MIB1: variants seen among roughly 807,000 people sequenced by gnomAD.
MIB1 encodes MIB E3 ubiquitin protein ligase 1.
In MIB1, 278 loss-of-function variants were observed where a neutral mutation model predicts 124.5. The ratio of observed to expected loss-of-function variants is 2.23; its 90% CI spans 2.02 to 2.47. The LOEUF (loss-of-function observed/expected upper bound fraction) is 2.47. Among genes scored for constraint, MIB1 ranks in the 30% most tolerant of loss-of-function variants. MIB1 has a pLI of 0.00. For missense variants in MIB1, 957 were observed against 1,254.4 expected, an observed-to-expected ratio of 0.76 and a Z score of 3.58; for synonymous variants, 446 against 429.4, an observed-to-expected ratio of 1.04 and a Z score of -0.48.
intron 1 of MIB1, among the ~76,000 whole-genome samples, chr18:21,710,578 T>C (rs2040661203): frequency 6.6e-6 from 1 of 152,056 alleles, no homozygotes; most frequent in Non-Finnish European, 1.5e-5. Context: ...ACTGAGACCT[T>C]ATTTCTACAA....
chr18:21,738,838 A>C (rs2040808740), upstream of MIB1, among the ~76,000 whole-genome samples: 30 of 60,714 alleles, frequency 4.9e-4, no homozygotes, highest in Middle Eastern at 8.9e-3. Flanking sequence ...AAAAAAAAAA[A>C]AAAAAAAAAA....
rs185701485 is a variant in MIB1, at chr18:21,866,810, T to A, written c.*2144T>A. On this transcript the variant is annotated 3_prime_UTR_variant, in exon 21 of 21. Transcript: ENST00000261537. ...TAATTTTAGTGCTAGTACTTGTGGG[T>A]TTTCTGTATTTGTATCACCTTGAAA... 1.2e-4 allele frequency: 18 copies of A among 152,532 alleles called. No individual in the cohort carries two copies. The highest frequency in any genetic ancestry group is 8.8e-5 in the Non-Finnish European group (6 of 68,022). The allele number at this position is 152,532 out of a possible 1,614,324, so 9.4% of individuals were successfully genotyped here. A position where few individuals can be genotyped will look rare whatever the true frequency, so the allele number is the denominator to read the frequency against.
intron 2 of MIB1, 109 bp downstream of exon 2, chr18:21,766,052 A>G (rs2041154718): frequency 9.6e-7 from 1 of 1,043,748 alleles, no homozygotes; most frequent in Admixed American, 2.0e-5. Flanking sequence ...CAGTTGGTTT[A>G]CTAACAGGAG....
rs1427568447 is a variant in MIB1, at chr18:21,798,314, G to C, written c.1237+86G>C. 4 of 1,290,592 alleles carry C rather than the reference G, an allele frequency of 3.1e-6. No individual in the cohort carries two copies. In the Admixed American group the frequency reaches 7.5e-5, roughly 24 times the overall value. 79.9% of individuals were successfully genotyped at this position (1,290,592 alleles called of 1,614,324 possible). On this transcript the variant is annotated intron_variant, in intron 8 of 20. Transcript: ENST00000261537. The stretch of plus-strand genomic sequence containing the variant: ...TCCCCAGTTCTCATATACAGATAAT[G>C]TTGTACATGTGCTTGGCTTTGTCCC...
intron 14 of MIB1, 102 bp from the exon 15 acceptor site, chr18:21,843,990 C>T (rs966779945): frequency 2.4e-5 from 26 of 1,062,054 alleles, no homozygotes; most frequent in Non-Finnish European, 3.3e-5. Context: ...TTAGTGGTAA[C>T]TTCTTCAGTA....
chr18:21,785,104 G>T (rs2041419589), intron 6 of MIB1, among the ~76,000 whole-genome samples: 1 of 152,066 alleles, frequency 6.6e-6, no homozygotes, highest in Admixed American at 6.6e-5. Flanking sequence ...TTTCTGCCTC[G>T]GCTACCAAAA....
At chr18:21,738,126 G>C (rs1288518892), upstream of MIB1, among the ~76,000 whole-genome samples, 1 of 152,138 alleles carries the variant, frequency 6.6e-6, no homozygotes, top group Non-Finnish European at 1.5e-5. Flanking sequence ...ATTGTTATGT[G>C]TGAATTTGAA....
exon 1 of MIB1, chr18:21,704,971 G>C (rs993091230): frequency 4.3e-6 from 1 of 231,096 alleles, no homozygotes; most frequent in Non-Finnish European, 8.3e-6. Flanking sequence ...GGTTCTCCCA[G>C]CTAGGTCGCA....
intron 10 of MIB1, among the ~76,000 whole-genome samples, chr18:21,807,486 C>T (rs1444218631): frequency 6.6e-6 from 1 of 152,140 alleles, no homozygotes; most frequent in African/African-American, 2.4e-5. Context: ...TTTAATTTTT[C>T]TAGGATATAA....
At chr18:21,783,506 G>T (rs927617939) in intron 6 of MIB1, among the ~76,000 whole-genome samples, 1 of 152,010 alleles carries the variant, frequency 6.6e-6, no homozygotes, top group Non-Finnish European at 1.5e-5. Context: ...GCCTCCCAAA[G>T]TACTGGGATT....
chr18:21,734,489 TC>T (rs2040786714), intron 1 of MIB1, among the ~76,000 whole-genome samples: 3 of 151,438 alleles, frequency 2.0e-5, no homozygotes, highest in Admixed American at 6.6e-5. Flanking sequence ...TCTCTCTCTC[TC>T]TCTCTCTTTC....
chr18:21,793,542 G>A (rs2041532118), intron 7 of MIB1, among the ~76,000 whole-genome samples: 1 of 152,062 alleles, frequency 6.6e-6, no homozygotes, highest in Admixed American at 6.6e-5. Context: ...AGTGCTTTGG[G>A]AGGCCAAGAT....
At chr18:21,857,491 ATTG>A (rs1445293799) in intron 19 of MIB1, among the ~76,000 whole-genome samples, 5 of 152,228 alleles carry the variant, frequency 3.3e-5, no homozygotes, top group Middle Eastern at 3.2e-3. Context: ...TATAAAGAAT[ATTG>A]TTGTGTTCTT....
chr18:21,735,584 G>T (rs1365222914), intron 1 of MIB1, among the ~76,000 whole-genome samples: 4 of 152,160 alleles, frequency 2.6e-5, no homozygotes. Context: ...TGGCTCAGCG[G>T]GTCCCATCCC....
intron 11 of MIB1, among the ~76,000 whole-genome samples, chr18:21,819,154 C>T (rs1481711473): frequency 6.6e-6 from 1 of 152,174 alleles, no homozygotes; most frequent in Non-Finnish European, 1.5e-5. Flanking sequence ...TCTTCTGCCT[C>T]AGCCTCCTGA....
At position 21,835,772 on chromosome 18, in the gene MIB1, GAA is replaced by G. The variant is rs372315844; in HGVS notation, c.1830-2581_1830-2580del. Among the ~76,000 whole-genome samples, 585 of 82,672 alleles carry G rather than the reference GAA, an allele frequency of 7.1e-3. 10 individuals are homozygous for G. The highest frequency in any genetic ancestry group is 9.2e-3 in the Non-Finnish European group (365 of 39,610). 54.2% of individuals were successfully genotyped at this position (82,672 alleles called of 152,430 possible). A position where few individuals can be genotyped will look rare whatever the true frequency, so the allele number is the denominator to read the frequency against. On this transcript the variant is annotated intron_variant, in intron 12 of 20. Transcript: ENST00000261537. ...GCAACACAGCAAGACTCCATCTCAA[GAA>G]AAAAAAAAAAATATATATATATATA...
At chr18:21,723,325 C>T (rs1166514880) in intron 1 of MIB1, among the ~76,000 whole-genome samples, 1 of 151,978 alleles carries the variant, frequency 6.6e-6, no homozygotes, top group Admixed American at 6.6e-5. Context: ...TTCCCTATCT[C>T]AGGCCTAGAA....
intron 17 of MIB1, among the ~76,000 whole-genome samples, chr18:21,852,003 G>T (rs774688401): frequency 7.2e-5 from 11 of 152,136 alleles, no homozygotes; most frequent in African/African-American, 2.7e-4. Flanking sequence ...ATGTTATATA[G>T]AAAGGAGAAG....
chr18:21,787,416 C>G (rs1024214243), intron 6 of MIB1, among the ~76,000 whole-genome samples: 2 of 152,164 alleles, frequency 1.3e-5, no homozygotes, highest in African/African-American at 4.8e-5. Flanking sequence ...CTAGTCCTGT[C>G]TCTTCTCTTT....
Sources: gnomAD v4.1 joint callset for allele counts (sites outside exome capture counted in the v4.1 genomes callset) on GRCh38, gnomAD v4.1.1 for gene constraint, MANE v1.5 for transcripts, NCBI Gene and HGNC (gene_info 2026-07-23, HGNC 2026-07-21) for gene names.